MACROD2: variants seen among roughly 807,000 people sequenced by gnomAD.
MACROD2 encodes ADP-ribose glycohydrolase MACROD2.
MACROD2 carries 36 observed loss-of-function variants against 70.4 expected under a neutral mutation model. The ratio of observed to expected loss-of-function variants is 0.51; its 90% confidence interval spans 0.39 to 0.68. MACROD2 has a LOEUF of 0.68. Ranked by LOEUF, MACROD2 falls within the 30% of genes least tolerant of loss-of-function variation. The pLI is 0.00. For synonymous variants in MACROD2, 172 were observed against 178.8 expected (o/e 0.96, Z 0.30); for missense variants, 496 against 538.4 (o/e 0.92, Z 0.78).
At chr20:14,419,460 A>C (rs2122889798) in intron 3 of MACROD2, among the ~76,000 whole-genome samples, 1 of 152,226 alleles carries the variant, frequency 6.6e-6, no homozygotes, top group South Asian at 2.1e-4. Flanking sequence ...TTGTCTTTCT[A>C]CCTCCTCAGA....
At chr20:15,973,686 T>C (rs1250618590) in intron 13 of MACROD2, among the ~76,000 whole-genome samples, 1 of 152,192 alleles carries the variant, frequency 6.6e-6, no homozygotes, top group African/African-American at 2.4e-5. Context: ...GCCACTCAGA[T>C]TGACTTAAAC....
chr20:14,951,646 T>C (rs970306879), intron 5 of MACROD2, among the ~76,000 whole-genome samples: 1 of 152,104 alleles, frequency 6.6e-6, no homozygotes, highest in African/African-American at 2.4e-5. Flanking sequence ...ACCCAGATAA[T>C]GTGAATAAAG....
intron 7 of MACROD2, among the ~76,000 whole-genome samples, chr20:15,442,698 G>A (rs950931618): frequency 1.3e-5 from 2 of 151,906 alleles, no homozygotes; most frequent in Non-Finnish European, 2.9e-5. Flanking sequence ...TGGAAAGAAG[G>A]GAATATCACA....
chr20:14,220,226 G>A (rs545807856), intron 3 of MACROD2, among the ~76,000 whole-genome samples: 1 of 152,206 alleles, frequency 6.6e-6, no homozygotes, highest in East Asian at 1.9e-4. Context: ...GGGGGTGGAG[G>A]TGAGATTCCC....
chr20:15,943,463 C>T (rs2065778651), intron 12 of MACROD2, among the ~76,000 whole-genome samples: 1 of 152,150 alleles, frequency 6.6e-6, no homozygotes, highest in Non-Finnish European at 1.5e-5. Flanking sequence ...CCTGGATCTG[C>T]ATTGGTAGAG....
intron 7 of MACROD2, among the ~76,000 whole-genome samples, chr20:15,499,137 T>G (rs527451893): frequency 4.6e-5 from 7 of 152,230 alleles, no homozygotes. Flanking sequence ...ACTCTGAGCA[T>G]GTACGCTTCT....
rs112792803 is a variant in MACROD2, at chr20:15,769,995, C to A, written c.646-92750C>A. On this transcript the variant is annotated intron_variant, in intron 8 of 17. Transcript: ENST00000684519. ...ATGCATGTGTGTGAGTGCGCCCCCC[C>A]ACACATAATGATGTGTTTTAGTTTT... 8.6e-3 allele frequency among the ~76,000 whole-genome samples: 1,307 copies of A among 151,944 alleles called. 8 individuals carry two copies. The highest frequency in any genetic ancestry group is 0.014 in the Non-Finnish European group (928 of 67,968).
At chr20:15,155,465 A>G (rs566949419) in intron 5 of MACROD2, among the ~76,000 whole-genome samples, 5 of 152,092 alleles carry the variant, frequency 3.3e-5, no homozygotes, top group Admixed American at 6.6e-5. Context: ...CTCCACCTGA[A>G]CTGCCCACCC....
chr20:15,131,975 A>G (rs949503102), intron 5 of MACROD2, among the ~76,000 whole-genome samples: 13 of 152,140 alleles, frequency 8.5e-5, no homozygotes, highest in Admixed American at 3.3e-4. Flanking sequence ...TCTATATACT[A>G]TATACAAGAA....
chr20:14,465,474 C>T lies in MACROD2; in HGVS notation c.272-28005C>T, dbSNP rs563331023. On this transcript the variant is annotated intron_variant, in intron 3 of 17. Coordinates refer to ENST00000684519, the MANE Select transcript of MACROD2 (RefSeq NM_001351661.2). ...TCCTGAATACAGCACACTGATGGGT[C>T]TTGACTCTATCCAATTTGCCAGTCT... Among the ~76,000 whole-genome samples the T allele has an allele frequency of 3.5e-4, 54 of 152,136 alleles. No homozygotes were observed. In the South Asian group the frequency reaches 6.2e-3, roughly 18 times the overall value.
chr20:15,267,795 A>G (rs1202902809), intron 6 of MACROD2, among the ~76,000 whole-genome samples: 2 of 152,110 alleles, frequency 1.3e-5, no homozygotes, highest in African/African-American at 2.4e-5. Context: ...AGTTCCTGCC[A>G]GTTGCGGAGG....
At chr20:15,429,452 C>A (rs916280509) in intron 6 of MACROD2, among the ~76,000 whole-genome samples, 1 of 152,074 alleles carries the variant, frequency 6.6e-6, no homozygotes, top group African/African-American at 2.4e-5. Context: ...AAGCATATAT[C>A]ATTTTACAGA....
chr20:15,564,413 T>A (rs1400078477), intron 8 of MACROD2, among the ~76,000 whole-genome samples: 5 of 152,208 alleles, frequency 3.3e-5, no homozygotes, highest in African/African-American at 1.2e-4. Context: ...AAAACTCTGA[T>A]TTCTCTGCTT....
intron 3 of MACROD2, among the ~76,000 whole-genome samples, chr20:14,171,651 A>T (rs934821729): frequency 1.2e-4 from 19 of 152,092 alleles, no homozygotes; most frequent in African/African-American, 4.3e-4. Context: ...CATGGTTTTG[A>T]GTGTTCTTTT....
intron 5 of MACROD2, among the ~76,000 whole-genome samples, chr20:14,782,544 A>AAT (rs2072314665): frequency 6.6e-6 from 1 of 152,030 alleles, no homozygotes; most frequent in South Asian, 2.1e-4. Flanking sequence ...AATCAGCCAA[A>AAT]ATATGTCATA....
chr20:15,265,954 G>A (rs895891222), intron 6 of MACROD2, among the ~76,000 whole-genome samples: 4 of 152,184 alleles, frequency 2.6e-5, no homozygotes, highest in Non-Finnish European at 5.9e-5. Context: ...CATTCCCTCA[G>A]TGTGTTACAT....
rs574467538 is a variant in MACROD2, at chr20:15,707,815, A to C, written c.646-154930A>C. 2.2e-4 allele frequency among the ~76,000 whole-genome samples: 33 copies of C among 150,846 alleles called. No homozygotes were observed. In the South Asian group the frequency reaches 2.3e-3, roughly 10 times the overall value. ...TAACAAAAACAACAAATACTTACAA[A>C]ACGTAAAAAAAAAAATCCCTTTAGA... On this transcript the variant is annotated intron_variant, in intron 8 of 17. Coordinates refer to ENST00000684519, the MANE Select transcript of MACROD2 (RefSeq NM_001351661.2).
At chr20:15,426,609 AT>A (rs1037198436) in intron 6 of MACROD2, among the ~76,000 whole-genome samples, 3 of 150,282 alleles carry the variant, frequency 2.0e-5, no homozygotes, top group East Asian at 1.9e-4. Context: ...GCCTCAAATG[AT>A]TTTTTTTTGT....
At chr20:14,681,719 C>T (rs775283335) in intron 4 of MACROD2, among the ~76,000 whole-genome samples, 5 of 152,128 alleles carry the variant, frequency 3.3e-5, no homozygotes, top group Non-Finnish European at 7.4e-5. Context: ...CACTTAAAAT[C>T]TGTACATTTG....
Sources: allele counts gnomAD v4.1 joint callset (sites outside exome capture counted in the v4.1 genomes callset), GRCh38; gene constraint gnomAD v4.1.1; transcripts MANE v1.5; gene names NCBI Gene and HGNC (gene_info 2026-07-23, HGNC 2026-07-21).